Variants in TRAPPC9 observed in about 807,000 individuals in gnomAD.
TRAPPC9 encodes the protein trafficking protein particle complex subunit 9.
Under a neutral mutation model 124.0 loss-of-function variants are expected in TRAPPC9, and 83 were observed. The observed-to-expected ratio is 0.67, with a 90% CI of 0.56 to 0.80. TRAPPC9 has a LOEUF of 0.80. Ranked by LOEUF, TRAPPC9 falls within the 30% of genes least tolerant of loss-of-function variation. The pLI is 0.00. For synonymous variants in TRAPPC9, 638 were observed against 617.5 expected (o/e 1.03, Z -0.49); for missense variants, 1,302 against 1,508.3 (o/e 0.86, Z 2.27).
At chr8:139,901,020 A>C (rs941926227) in intron 20 of TRAPPC9, among the ~76,000 whole-genome samples, 1 of 150,876 alleles carries the variant, frequency 6.6e-6, no homozygotes, top group Non-Finnish European at 1.5e-5. Context: ...TAAATAAATA[A>C]AAATAAAATA....
intron 17 of TRAPPC9, among the ~76,000 whole-genome samples, chr8:140,065,947 G>A (rs1842878280): frequency 6.6e-6 from 1 of 152,162 alleles, no homozygotes; most frequent in African/African-American, 2.4e-5. Flanking sequence ...ATTCCATAAG[G>A]CTACAGCTGC....
intron 17 of TRAPPC9, among the ~76,000 whole-genome samples, chr8:140,029,013 T>C (rs1347242517): frequency 6.6e-6 from 1 of 152,092 alleles, no homozygotes; most frequent in Non-Finnish European, 1.5e-5. Flanking sequence ...GAAAAACAAA[T>C]TGCCAACATC....
intron 21 of TRAPPC9, among the ~76,000 whole-genome samples, chr8:139,795,773 C>T (rs34668455): frequency 0.17 from 26,246 of 151,992 alleles, 2,922 homozygotes; most frequent in East Asian, 0.37. Context: ...GGGTGGGAGG[C>T]GGACCTCTGG....
At chr8:139,844,839 C>A (rs1217873447) in intron 21 of TRAPPC9, among the ~76,000 whole-genome samples, 2 of 152,234 alleles carry the variant, frequency 1.3e-5, no homozygotes, top group Admixed American at 1.3e-4. Flanking sequence ...AATGCGATGC[C>A]TTTGCCCGGG....
chr8:140,236,027 G>C (rs2063721120), intron 16 of TRAPPC9, among the ~76,000 whole-genome samples: 1 of 150,506 alleles, frequency 6.6e-6, no homozygotes, highest in Admixed American at 6.6e-5. Context: ...ATACAGTTGT[G>C]ACACTTTAGG....
At chr8:140,061,293 G>T (rs1411922041) in intron 17 of TRAPPC9, among the ~76,000 whole-genome samples, 1 of 49,532 alleles carries the variant, frequency 2.0e-5, no homozygotes, top group Non-Finnish European at 7.6e-5. Flanking sequence ...TCCCAAGGCT[G>T]CCCGGCAGCC....
intron 17 of TRAPPC9, chr8:140,095,966 T>G (rs1311828886): frequency 6.6e-6 from 1 of 152,244 alleles, no homozygotes; most frequent in Non-Finnish European, 1.5e-5. Flanking sequence ...TCATTTTGGG[T>G]CTGCTTTCCC....
intron 18 of TRAPPC9, among the ~76,000 whole-genome samples, chr8:140,003,722 A>G (rs575312520): frequency 1.6e-4 from 24 of 152,316 alleles, no homozygotes; most frequent in African/African-American, 5.5e-4. Flanking sequence ...GAGGAAACAG[A>G]GCACTTATCC....
intron 21 of TRAPPC9, among the ~76,000 whole-genome samples, chr8:139,767,174 A>G (rs1200707462): frequency 1.3e-5 from 2 of 152,140 alleles, no homozygotes; most frequent in South Asian, 2.1e-4. Flanking sequence ...AGGAATTACT[A>G]TTTCTTATAT....
chr8:140,199,154 T>G (rs1006709992), intron 17 of TRAPPC9, among the ~76,000 whole-genome samples: 1 of 152,106 alleles, frequency 6.6e-6, no homozygotes, highest in Non-Finnish European at 1.5e-5. Flanking sequence ...AAGCAGGGCT[T>G]CTTGCACGTG....
intron 7 of TRAPPC9, among the ~76,000 whole-genome samples, chr8:140,373,043 C>T (rs2068328205): frequency 6.6e-6 from 1 of 152,218 alleles, no homozygotes; most frequent in Non-Finnish European, 1.5e-5. Flanking sequence ...TATGACCTCA[C>T]CAGACTGAAC....
intron 17 of TRAPPC9, among the ~76,000 whole-genome samples, chr8:140,186,386 C>G (rs2062355267): frequency 6.6e-6 from 1 of 151,874 alleles, no homozygotes; most frequent in Admixed American, 6.6e-5. Context: ...GAGTTTGAGA[C>G]CAGCCTGGCC....
chr8:139,959,183 T>C (rs926625260), intron 19 of TRAPPC9, among the ~76,000 whole-genome samples: 1 of 152,202 alleles, frequency 6.6e-6, no homozygotes, highest in Admixed American at 6.5e-5. Context: ...CAGTTACCCG[T>C]GTGTAAAATA....
In TRAPPC9 at chr8:139,737,466, T is replaced by TCCCCA. The variant is rs765720342; in HGVS notation, c.3056-5265_3056-5264insTGGGG. The stretch of plus-strand genomic sequence containing the variant: ...GCCTTCAGGCGGGGGTCATCAGCCC[T>TCCCCA]CCCCCCCCCCCCACGGAAAACCCTG... On this transcript the variant is annotated intron_variant, in intron 21 of 22. Coordinates refer to ENST00000438773, the MANE Select transcript of TRAPPC9 (RefSeq NM_001160372.4). Among the ~76,000 whole-genome samples the TCCCCA allele has an allele frequency of 8.4e-3, 346 of 41,348 alleles. 47 individuals are homozygous for TCCCCA. Among genetic ancestry groups the TCCCCA allele is most frequent in the Middle Eastern group, 0.033 (1 of 30 alleles). The allele number at this position is 41,348 out of a possible 152,430, so 27.1% of individuals were successfully genotyped here. A position where few individuals can be genotyped will look rare whatever the true frequency, so the allele number is the denominator to read the frequency against.
At chr8:140,067,639 T>C (rs901964823) in intron 17 of TRAPPC9, among the ~76,000 whole-genome samples, 2 of 152,086 alleles carry the variant, frequency 1.3e-5, no homozygotes, top group African/African-American at 4.8e-5. Context: ...ATTTTGCAGA[T>C]GAAAATCCAG....
At chr8:140,083,858 G>A (rs998566699) in intron 17 of TRAPPC9, among the ~76,000 whole-genome samples, 1 of 152,056 alleles carries the variant, frequency 6.6e-6, no homozygotes, top group Non-Finnish European at 1.5e-5. Flanking sequence ...GTAGAGATGG[G>A]GTTTCACCAT....
At chr8:140,376,873 C>CAAA (rs36002702) in intron 7 of TRAPPC9, among the ~76,000 whole-genome samples, 18 of 112,854 alleles carry the variant, frequency 1.6e-4, no homozygotes, top group East Asian at 5.2e-4. Context: ...GGCTCCATCT[C>CAAA]AAAAAAAAAA....
rs2070914019 is a variant in TRAPPC9, at chr8:140,438,937, G to A, written c.730+115C>T. On this transcript the variant is annotated intron_variant, in intron 3 of 22. Coordinates refer to ENST00000438773, the MANE Select transcript of TRAPPC9 (RefSeq NM_001160372.4). ...AATCTCTTGACCTCATATTTGGCCT[G>A]CCGTAGCCTCCCAAAGTGCTGGGAT... The A allele has an allele frequency of 1.0e-5, 14 of 1,334,924 alleles. No individual in the cohort carries two copies. In the South Asian group the frequency reaches 1.2e-4, roughly 11 times the overall value. The allele number at this position is 1,334,924 out of a possible 1,614,324, so 82.7% of individuals were successfully genotyped here. A position where few individuals can be genotyped will look rare whatever the true frequency, so the allele number is the denominator to read the frequency against.
chr8:140,188,036 C>A (rs1341167014), intron 17 of TRAPPC9, among the ~76,000 whole-genome samples: 1 of 152,170 alleles, frequency 6.6e-6, no homozygotes, highest in East Asian at 1.9e-4. Flanking sequence ...TGGCTCTTCT[C>A]ATTTTTCCAG....
Sources: gnomAD v4.1 joint callset for allele counts (sites outside exome capture counted in the v4.1 genomes callset) on GRCh38, gnomAD v4.1.1 for gene constraint, MANE v1.5 for transcripts, NCBI Gene and HGNC (gene_info 2026-07-23, HGNC 2026-07-21) for gene names.